The following ATP2B2 variants were observed in gnomAD, a reference collection of about 807,000 sequenced individuals.
The protein encoded by ATP2B2 is plasma membrane calcium-transporting ATPase 2.
Under a neutral mutation model 120.0 loss-of-function variants are expected in ATP2B2, and 15 were observed. The ratio of observed to expected loss-of-function variants is 0.12; its 90% CI spans 0.08 to 0.19. The LOEUF is 0.19. Among genes scored for constraint, ATP2B2 ranks in the 10% least tolerant of loss-of-function variants. ATP2B2 has a pLI of 1.00. For missense variants in ATP2B2, 1,045 were observed against 1,719.8 expected (o/e 0.61, Z 6.94); for synonymous variants, 694 against 700.3 (o/e 0.99, Z 0.14).
chr3:10,662,794 T>C (rs1202294250), intron 1 of ATP2B2, among the ~76,000 whole-genome samples: 1 of 151,998 alleles, frequency 6.6e-6, no homozygotes, highest in African/African-American at 2.4e-5. Context: ...TATGCACACG[T>C]ATGTTTATTG....
intron 1 of ATP2B2, among the ~76,000 whole-genome samples, chr3:10,639,572 T>C (rs1019280355): frequency 6.6e-6 from 1 of 152,230 alleles, no homozygotes; most frequent in East Asian, 1.9e-4. Flanking sequence ...CACCTCCTAA[T>C]ACCAGAACCT....
chr3:10,569,490 CT>C (rs1252598083), intron 2 of ATP2B2, among the ~76,000 whole-genome samples: 1 of 152,168 alleles, frequency 6.6e-6, no homozygotes. Flanking sequence ...AGATGGCACC[CT>C]GACCAGTATT....
At position 10,388,261 on chromosome 3, in the gene ATP2B2, A is replaced by AG; in HGVS notation, c.907+15dup. On this transcript the variant is annotated intron_variant, in intron 6 of 22. Coordinates refer to ENST00000360273, the MANE Select transcript of ATP2B2 (RefSeq NM_001001331.4). ...TTAAGAGCTCCTCTCCTGGTCTGCA[A>AG]GGGGATTAGGCTTACCTTTTTTGTC... The AG allele has an allele frequency of 1.2e-6, 2 of 1,614,084 alleles. No individual in the cohort carries two copies.
chr3:10,548,213 C>G (rs2067592981), intron 2 of ATP2B2, among the ~76,000 whole-genome samples: 1 of 152,236 alleles, frequency 6.6e-6, no homozygotes, highest in Non-Finnish European at 1.5e-5. Flanking sequence ...GGGGCTTAAT[C>G]TGTGCCAAAG....
At chr3:10,517,391 G>A (rs2066898199) in intron 3 of ATP2B2, among the ~76,000 whole-genome samples, 1 of 152,236 alleles carries the variant, frequency 6.6e-6, no homozygotes, top group Admixed American at 6.5e-5. Context: ...CAGGGATGCA[G>A]TGTGGGCCAT....
chr3:10,552,413 A>G (rs1353507938), intron 2 of ATP2B2, among the ~76,000 whole-genome samples: 1 of 152,206 alleles, frequency 6.6e-6, no homozygotes, highest in Non-Finnish European at 1.5e-5. Flanking sequence ...GCCCAAAGTG[A>G]GTGCTGGCCT....
At chr3:10,345,304 G>A in intron 18 of ATP2B2, 80 bp downstream of exon 18, 1 of 1,515,284 alleles carries the variant, frequency 6.6e-7, no homozygotes, top group Non-Finnish European at 9.1e-7. Flanking sequence ...GGGACAACCT[G>A]GAGTACCCTA....
rs923783651 is a variant in ATP2B2, at chr3:10,573,754, C to T, written c.-414-39621G>A. On this transcript the variant is annotated intron_variant, in intron 2 of 21. Transcript: ENST00000646379. ...TGGGTTCCTATCTACTGCTTCTTTGCTGGTAGAGTGCCCCATTCTATACAA... is the reference window on the plus strand; with the variant it reads ...TGGGTTCCTATCTACTGCTTCTTTGTTGGTAGAGTGCCCCATTCTATACAA... 2.0e-5 allele frequency among the ~76,000 whole-genome samples: 3 copies of T among 152,316 alleles called. No individual in the cohort carries two copies. In the South Asian group the frequency reaches 6.2e-4, roughly 32 times the overall value.
chr3:10,661,621 C>T (rs1033438894), intron 1 of ATP2B2, among the ~76,000 whole-genome samples: 1 of 152,340 alleles, frequency 6.6e-6, no homozygotes, highest in South Asian at 2.1e-4. Flanking sequence ...AATGGAAGAA[C>T]ATTCCATGCT....
At chr3:10,466,240 T>C (rs2064736324) in intron 1 of ATP2B2, among the ~76,000 whole-genome samples, 1 of 152,196 alleles carries the variant, frequency 6.6e-6, no homozygotes, top group Admixed American at 6.5e-5. Context: ...ATTTACTGAG[T>C]GTTTTATGAC....
Position 10,680,466 on chromosome 3 carries a change from G to A in ATP2B2, c.-460+27449C>T, listed in dbSNP as rs554853825. Reference sequence around the variant, plus strand: ...TACAGGGATCGGGCCAGACTTTGCTGGGATGTGTGGTGGTGCATGTCAGCT... The same window carrying A: ...TACAGGGATCGGGCCAGACTTTGCTAGGATGTGTGGTGGTGCATGTCAGCT... On this transcript the variant is annotated intron_variant, in intron 1 of 21. Coordinates refer to the ATP2B2 transcript ENST00000646379. Among the ~76,000 whole-genome samples, 35 of 152,280 alleles carry A rather than the reference G, an allele frequency of 2.3e-4. 1 individual carries two copies. The South Asian group carries it at 6.5e-3, about 28-fold the overall frequency.
intron 8 of ATP2B2, among the ~76,000 whole-genome samples, chr3:10,382,080 C>T (rs139086788): frequency 0.021 from 3,138 of 152,236 alleles, 52 homozygotes; most frequent in Middle Eastern, 0.071. Context: ...GGCTGGAGTG[C>T]AGTGGCGTGA....
chr3:10,382,712 A>G (rs1472782522), intron 8 of ATP2B2, among the ~76,000 whole-genome samples: 3 of 152,190 alleles, frequency 2.0e-5, no homozygotes, highest in Non-Finnish European at 4.4e-5. Context: ...TGTATTACAT[A>G]GTGACACACT....
At chr3:10,374,313 G>A (rs1260228783) in intron 11 of ATP2B2, among the ~76,000 whole-genome samples, 1 of 152,166 alleles carries the variant, frequency 6.6e-6, no homozygotes, top group African/African-American at 2.4e-5. Flanking sequence ...TTGGTTTGTG[G>A]GGATGGAGTT....
intron 1 of ATP2B2, among the ~76,000 whole-genome samples, chr3:10,701,810 C>T (rs2071823638): frequency 6.6e-6 from 1 of 152,110 alleles, no homozygotes; most frequent in Non-Finnish European, 1.5e-5. Context: ...GGTTTTAGCA[C>T]AAACATCTCC....
At chr3:10,426,853 G>C (rs571169559) in intron 2 of ATP2B2, among the ~76,000 whole-genome samples, 1 of 151,464 alleles carries the variant, frequency 6.6e-6, no homozygotes, top group Non-Finnish European at 1.5e-5. Flanking sequence ...AGAATTTTGC[G>C]GGGGATAGGA....
At chr3:10,612,741 T>C (rs9840200) in intron 2 of ATP2B2, among the ~76,000 whole-genome samples, 135,388 of 152,166 alleles carry the variant, frequency 0.89, 60,263 homozygotes, top group Middle Eastern at 0.96. Context: ...CATTACCCTC[T>C]GTTTTCCTGT....
intron 2 of ATP2B2, among the ~76,000 whole-genome samples, chr3:10,562,888 T>C (rs971760213): frequency 2.6e-5 from 4 of 152,248 alleles, no homozygotes; most frequent in African/African-American, 9.6e-5. Context: ...ATTATGTATG[T>C]ATGTATAATC....
intron 2 of ATP2B2, among the ~76,000 whole-genome samples, chr3:10,613,292 G>A (rs924404201): frequency 6.6e-6 from 1 of 152,146 alleles, no homozygotes; most frequent in Non-Finnish European, 1.5e-5. Context: ...ATCCTTCACA[G>A]CAAAGTGGTA....
Sources: allele counts gnomAD v4.1 joint callset (sites outside exome capture counted in the v4.1 genomes callset), GRCh38; gene constraint gnomAD v4.1.1; transcripts MANE v1.5; gene names NCBI Gene and HGNC (gene_info 2026-07-23, HGNC 2026-07-21).